ME1: variants seen among roughly 807,000 people sequenced by gnomAD.
ME1 encodes the protein malic enzyme 1, also known as NADP-dependent malic enzyme.
Under a neutral mutation model 66.4 loss-of-function variants are expected in ME1, and 74 were observed. That is an observed-to-expected ratio of 1.11 (90% CI 0.92 to 1.35). The LOEUF (loss-of-function observed/expected upper bound fraction) is 1.35. Among genes scored for constraint, ME1 ranks in the 40% most tolerant of loss-of-function variants. ME1 has a pLI of 0.00. For synonymous variants in ME1, 251 were observed against 235.6 expected (o/e 1.07, Z -0.60); for missense variants, 750 against 694.1 (o/e 1.08, Z -0.90).
In ME1 at chr6:83,398,366, C is replaced by T. The variant is rs78734745; in HGVS notation, c.362+1G>A. 6.5e-3 allele frequency: 10,154 copies of T among 1,569,380 alleles called. 48 individuals carry two copies. Among genetic ancestry groups the T allele is most frequent in the Non-Finnish European group, 7.8e-3 (9,038 of 1,163,362 alleles). ...TGCATATAAAATAAAAGTTGACATA[C>T]CTTGGCTTCCGAAACACCAAACTAT... is the stretch of plus-strand genomic sequence containing the variant. On this transcript the variant is annotated splice_donor_variant, in intron 3 of 13. Transcript: ENST00000369705. LOFTEE classifies it high-confidence loss of function.
intron 2 of ME1, among the ~76,000 whole-genome samples, chr6:83,401,631 T>A (rs1769843400): frequency 3.3e-5 from 5 of 152,202 alleles, no homozygotes. Flanking sequence ...TCGGACAAAC[T>A]GAGTCAGCCT....
At chr6:83,348,105 C>G (rs1768723087) in intron 4 of ME1, among the ~76,000 whole-genome samples, 1 of 152,130 alleles carries the variant, frequency 6.6e-6, no homozygotes, top group African/African-American at 2.4e-5. Context: ...TTTGCACATT[C>G]AATACATTTG....
At chr6:83,419,095 A>C (rs1770215425) in intron 1 of ME1, among the ~76,000 whole-genome samples, 1 of 151,566 alleles carries the variant, frequency 6.6e-6, no homozygotes, top group Non-Finnish European at 1.5e-5. Context: ...GGCAAGTCCT[A>C]GTTAACCAGG....
At chr6:83,412,360 C>A (rs970317020) in intron 1 of ME1, among the ~76,000 whole-genome samples, 1 of 152,022 alleles carries the variant, frequency 6.6e-6, no homozygotes, top group African/African-American at 2.4e-5. Context: ...GATTATATTA[C>A]GGCAGAGATG....
intron 3 of ME1, among the ~76,000 whole-genome samples, chr6:83,369,104 TTC>T (rs1283276821): frequency 6.6e-6 from 1 of 152,142 alleles, no homozygotes; most frequent in Non-Finnish European, 1.5e-5. Flanking sequence ...TTAAAGAATT[TTC>T]TCCTGTAATT....
intron 6 of ME1, among the ~76,000 whole-genome samples, chr6:83,312,548 A>T (rs1301414041): frequency 6.6e-6 from 1 of 152,168 alleles, no homozygotes; most frequent in Non-Finnish European, 1.5e-5. Context: ...CATAGCATTG[A>T]TGGAGAAAGA....
intron 5 of ME1, among the ~76,000 whole-genome samples, chr6:83,328,254 G>T: frequency 6.6e-6 from 1 of 152,112 alleles, no homozygotes; most frequent in Non-Finnish European, 1.5e-5. Context: ...CTCATAAGTG[G>T]GAACTGAACA....
At chr6:83,369,808 T>G (rs1198761858) in intron 3 of ME1, among the ~76,000 whole-genome samples, 1 of 152,098 alleles carries the variant, frequency 6.6e-6, no homozygotes, top group Non-Finnish European at 1.5e-5. Flanking sequence ...GGTTCAAAAC[T>G]TGACAGTCAA....
At chr6:83,351,264 C>T (rs942923404) in intron 4 of ME1, among the ~76,000 whole-genome samples, 5 of 152,120 alleles carry the variant, frequency 3.3e-5, no homozygotes, top group African/African-American at 4.8e-5. Context: ...AGATCATTAA[C>T]GGACTTACAT....
intron 3 of ME1, among the ~76,000 whole-genome samples, chr6:83,376,781 C>T (rs548986291): frequency 4.0e-5 from 5 of 125,084 alleles, no homozygotes; most frequent in African/African-American, 6.6e-5. Context: ...CCAGCCCAGG[C>T]GACAGAACCA....
Position 83,346,240 on chromosome 6 carries a change from G to A in ME1, c.533C>T (p.Thr178Ile). Residue 178 changes from threonine to isoleucine, a missense_variant, in exon 5 of 14, where the codon ACA becomes ATA. Thr to Ile is a moderately conservative substitution (Grantham distance 89). Coordinates refer to ENST00000369705, the MANE Select transcript of ME1 (RefSeq NM_002395.6). ...GIPVGKLALY[T>I]ACGGMNPQEC... ...TTGAGGATTCATCCCTCCGCAAGCT[G>A]TATATAGAGCCAATTTACCCACAGG... 1 of 1,613,516 alleles carries A rather than the reference G, an allele frequency of 6.2e-7. No homozygotes were observed. The highest frequency in any genetic ancestry group is 1.7e-4 in the Middle Eastern group (1 of 6,060).
intron 3 of ME1, among the ~76,000 whole-genome samples, chr6:83,369,564 T>C (rs929398186): frequency 1.3e-5 from 2 of 151,864 alleles, no homozygotes; most frequent in African/African-American, 4.8e-5. Flanking sequence ...AGGTTGAGAT[T>C]GGAGTGAGCC....
chr6:83,307,636 G>A (rs902544643), intron 6 of ME1, among the ~76,000 whole-genome samples: 2 of 151,926 alleles, frequency 1.3e-5, no homozygotes, highest in African/African-American at 4.8e-5. Context: ...AAAATGATCA[G>A]GCATAAAAAG....
chr6:83,226,178 G>A (rs1790196208), intron 11 of ME1, among the ~76,000 whole-genome samples: 1 of 152,082 alleles, frequency 6.6e-6, no homozygotes. Context: ...AATGTTTTAT[G>A]TAGAAAAACA....
intron 6 of ME1, among the ~76,000 whole-genome samples, chr6:83,281,201 T>G (rs2128532940): frequency 6.6e-6 from 1 of 152,332 alleles, no homozygotes; most frequent in Non-Finnish European, 1.5e-5. Flanking sequence ...GGAAGACTTA[T>G]GCCATGGTAA....
rs186856948 is a variant in ME1, at chr6:83,393,663, T to C, written c.362+4704A>G. 1.8e-3 allele frequency among the ~76,000 whole-genome samples: 268 copies of C among 152,222 alleles called. 1 individual carries two copies. The highest frequency in any genetic ancestry group is 0.017 in the South Asian group (81 of 4,822). ...TTTCTATCGACTTCAACTCAAATAC[T>C]TCGTTTGATTCAAGCCCTTCTACAT... is the stretch of plus-strand genomic sequence containing the variant. On this transcript the variant is annotated intron_variant, in intron 3 of 13. Coordinates refer to ENST00000369705, the MANE Select transcript of ME1 (RefSeq NM_002395.6).
intron 12 of ME1, among the ~76,000 whole-genome samples, chr6:83,218,552 G>C (rs1284221750): frequency 6.6e-6 from 1 of 152,152 alleles, no homozygotes; most frequent in African/African-American, 2.4e-5. Flanking sequence ...AGTTTCCAAG[G>C]TCAAGCGGCC....
At chr6:83,323,064 A>C (rs1436503054) in intron 5 of ME1, among the ~76,000 whole-genome samples, 1 of 152,218 alleles carries the variant, frequency 6.6e-6, no homozygotes, top group East Asian at 1.9e-4. Flanking sequence ...TAAGCTTCAT[A>C]AGTGAAGGAG....
chr6:83,264,687 A>T (rs1376200117), intron 6 of ME1, among the ~76,000 whole-genome samples: 1 of 152,198 alleles, frequency 6.6e-6, no homozygotes, highest in African/African-American at 2.4e-5. Flanking sequence ...GGAAATAACA[A>T]GTAGAACTAG....
Sources: gnomAD v4.1 joint callset for allele counts (sites outside exome capture counted in the v4.1 genomes callset) on GRCh38, gnomAD v4.1.1 for gene constraint, MANE v1.5 for transcripts, NCBI Gene and HGNC (gene_info 2026-07-23, HGNC 2026-07-21) for gene names.